Variants in MAD1L1 observed in about 807,000 individuals in gnomAD.
MAD1L1 encodes mitotic spindle assembly checkpoint protein MAD1.
In MAD1L1, 95 loss-of-function variants were observed where a neutral mutation model predicts 96.9. The observed-to-expected ratio is 0.98, with a 90% CI of 0.83 to 1.16. The LOEUF (loss-of-function observed/expected upper bound fraction) is 1.16, where lower values mean the gene tolerates loss of function less well. MAD1L1 is among the 50% of genes most tolerant of loss of function. The probability of loss-of-function intolerance (pLI) is 0.00; values close to 1 mark genes in which losing one functional copy is unlikely to be tolerated. For synonymous variants in MAD1L1, 473 were observed against 396.6 expected (o/e 1.19, Z -2.29); for missense variants, 1,007 against 954.4 (o/e 1.06, Z -0.73).
chr7:2,072,854 A>C (rs1014636852), intron 11 of MAD1L1, among the ~76,000 whole-genome samples: 1 of 152,218 alleles, frequency 6.6e-6, no homozygotes, highest in Non-Finnish European at 1.5e-5. Flanking sequence ...CACACCCTGC[A>C]TCCTGAGTGA....
At chr7:2,100,407 T>A (rs544081746) in intron 11 of MAD1L1, among the ~76,000 whole-genome samples, 243 of 152,322 alleles carry the variant, frequency 1.6e-3, no homozygotes, top group African/African-American at 5.8e-3. Context: ...AGCACCTGCT[T>A]CCTGGAGGGG....
At chr7:1,863,747 C>A (rs1230349211) in intron 18 of MAD1L1, among the ~76,000 whole-genome samples, 1 of 152,182 alleles carries the variant, frequency 6.6e-6, no homozygotes, top group Admixed American at 6.5e-5. Context: ...ACCGTGGGCT[C>A]CCGTGCTCCT....
chr7:1,838,688 G>A (rs1783065895), intron 18 of MAD1L1: 3 of 448,222 alleles, frequency 6.7e-6, no homozygotes. Context: ...GGATGGCTAT[G>A]GGGCACGTTT....
chr7:2,050,496 T>G (rs1366427812), intron 12 of MAD1L1, among the ~76,000 whole-genome samples: 4 of 152,174 alleles, frequency 2.6e-5, no homozygotes, highest in African/African-American at 9.6e-5. Flanking sequence ...GCAGCTCCGT[T>G]GAAGCACCCA....
intron 11 of MAD1L1, among the ~76,000 whole-genome samples, chr7:2,074,973 C>T (rs1431998627): frequency 2.0e-5 from 3 of 152,138 alleles, no homozygotes; most frequent in Admixed American, 1.3e-4. Flanking sequence ...TTGGGCCAAC[C>T]GGGAGCAATG....
At chr7:2,098,231 C>T (rs1392894593) in intron 11 of MAD1L1, among the ~76,000 whole-genome samples, 1 of 152,206 alleles carries the variant, frequency 6.6e-6, no homozygotes, top group African/African-American at 2.4e-5. Flanking sequence ...CAGCGCCGTC[C>T]TCTGCCAAAG....
chr7:1,954,993 C>T (rs1289850201), intron 16 of MAD1L1, among the ~76,000 whole-genome samples: 2 of 152,200 alleles, frequency 1.3e-5, no homozygotes, highest in African/African-American at 2.4e-5. Flanking sequence ...GGCCCAGTGA[C>T]GGCCCTCCCA....
At chr7:2,033,803 T>A (rs943362107) in intron 12 of MAD1L1, among the ~76,000 whole-genome samples, 1 of 152,182 alleles carries the variant, frequency 6.6e-6, no homozygotes, top group South Asian at 2.1e-4. Context: ...TTCCACTCAG[T>A]AACAATTGCC....
At chr7:2,196,110 C>G (rs1000282113) in intron 10 of MAD1L1, among the ~76,000 whole-genome samples, 11 of 152,272 alleles carry the variant, frequency 7.2e-5, no homozygotes, top group Non-Finnish European at 1.5e-4. Flanking sequence ...ATTCCGGCAA[C>G]AGGGCCACAA....
At chr7:2,183,741 G>A (rs935637446) in intron 10 of MAD1L1, among the ~76,000 whole-genome samples, 4 of 151,938 alleles carry the variant, frequency 2.6e-5, no homozygotes, top group African/African-American at 9.7e-5. Flanking sequence ...ATCACACACC[G>A]GGGACTGTCG....
At chr7:2,125,989 C>T (rs1031622686) in intron 11 of MAD1L1, among the ~76,000 whole-genome samples, 3 of 152,246 alleles carry the variant, frequency 2.0e-5, no homozygotes, top group East Asian at 3.9e-4. Flanking sequence ...TGGGGCCAGG[C>T]GGCCTCCTGG....
At chr7:1,868,233 A>G (rs541585608) in intron 18 of MAD1L1, among the ~76,000 whole-genome samples, 178 of 152,326 alleles carry the variant, frequency 1.2e-3, no homozygotes, top group Non-Finnish European at 2.0e-3. Context: ...ACAGGGAGCC[A>G]AGCCCCACCT....
chr7:1,894,431 G>T (rs1212233386), intron 18 of MAD1L1, among the ~76,000 whole-genome samples: 2 of 152,178 alleles, frequency 1.3e-5, no homozygotes, highest in Non-Finnish European at 2.9e-5. Context: ...GTGCACCGTG[G>T]GCTGGAGCTG....
At chr7:1,820,281 A>G (rs1782056037) in intron 18 of MAD1L1, among the ~76,000 whole-genome samples, 1 of 152,182 alleles carries the variant, frequency 6.6e-6, no homozygotes, top group Non-Finnish European at 1.5e-5. Flanking sequence ...CACCCAAGGC[A>G]GTGCTTAGAG....
chr7:2,079,148 C>G (rs1209231745), intron 11 of MAD1L1, among the ~76,000 whole-genome samples: 1 of 152,244 alleles, frequency 6.6e-6, no homozygotes, highest in African/African-American at 2.4e-5. Context: ...TGGGGCCGGG[C>G]AGCCGCACTC....
At chr7:1,961,866 G>C (rs1328487505) in intron 15 of MAD1L1, among the ~76,000 whole-genome samples, 1 of 152,154 alleles carries the variant, frequency 6.6e-6, no homozygotes, top group Non-Finnish European at 1.5e-5. Context: ...CCATTCTCGT[G>C]TGTTGTGGGA....
At chr7:2,178,357 C>T (rs1227418016) in intron 10 of MAD1L1, among the ~76,000 whole-genome samples, 1 of 152,162 alleles carries the variant, frequency 6.6e-6, no homozygotes, top group Non-Finnish European at 1.5e-5. Flanking sequence ...GCCTTACCTG[C>T]GTGTCATCTG....
intron 18 of MAD1L1, among the ~76,000 whole-genome samples, chr7:1,880,654 C>T (rs1785631856): frequency 6.6e-6 from 1 of 152,228 alleles, no homozygotes; most frequent in South Asian, 2.1e-4. Context: ...GAAGGATGCT[C>T]ACATACAATC....
At chr7:2,129,175 C>CG (rs1562713839) in intron 11 of MAD1L1, among the ~76,000 whole-genome samples, 1 of 152,144 alleles carries the variant, frequency 6.6e-6, no homozygotes, top group African/African-American at 2.4e-5. Context: ...CGCAGGATCC[C>CG]GGGGGAGCTG....
Sources: gnomAD v4.1 joint callset for allele counts (sites outside exome capture counted in the v4.1 genomes callset) on GRCh38, gnomAD v4.1.1 for gene constraint, MANE v1.5 for transcripts, NCBI Gene and HGNC (gene_info 2026-07-23, HGNC 2026-07-21) for gene names.